TMX3: variants seen among roughly 807,000 people sequenced by gnomAD.
The protein encoded by TMX3 is protein disulfide-isomerase TMX3.
In TMX3, 40 loss-of-function variants were observed where a neutral mutation model predicts 64.4. The ratio of observed to expected loss-of-function variants is 0.62; its 90% CI spans 0.48 to 0.81. The LOEUF is 0.81. Among genes scored for constraint, TMX3 ranks in the 30% least tolerant of loss-of-function variants. The pLI is 0.00. For missense variants in TMX3, 497 were observed against 534.5 expected (o/e 0.93, Z 0.69); for synonymous variants, 189 against 175.7 (o/e 1.08, Z -0.60).
At chr18:68,687,578 G>C (rs1914086378) in intron 10 of TMX3, 89 bp downstream of exon 10, 2 of 1,526,770 alleles carry the variant, frequency 1.3e-6, no homozygotes, top group African/African-American at 1.4e-5. Context: ...GAGAAATAGA[G>C]CTTAAATTCA....
intron 8 of TMX3, among the ~76,000 whole-genome samples, chr18:68,696,045 A>G (rs1371418452): frequency 2.0e-5 from 3 of 152,290 alleles, no homozygotes; most frequent in Non-Finnish European, 4.4e-5. Context: ...CGGCTCCTTC[A>G]TATCACGTAA....
chr18:68,682,890 G>T, intron 13 of TMX3, 35 bp downstream of exon 13: 1 of 1,566,754 alleles, frequency 6.4e-7, no homozygotes, highest in Non-Finnish European at 8.7e-7. Context: ...AAAATTAATA[G>T]ATTTGACAGC....
chr18:68,709,849 G>GTACTACATACTACATA (rs1246876444), intron 4 of TMX3, among the ~76,000 whole-genome samples, 172 bp downstream of exon 4: 1 of 151,884 alleles, frequency 6.6e-6, no homozygotes, highest in African/African-American at 2.4e-5. Flanking sequence ...CACACTACAC[G>GTACTACATACTACATA]CTACATGTTC....
At chr18:68,698,104 C>T in intron 6 of TMX3, 73 bp from the exon 7 acceptor site, 1 of 922,100 alleles carries the variant, frequency 1.1e-6, no homozygotes, top group Non-Finnish European at 1.7e-6. Context: ...TATACTATAA[C>T]TAATCATGTC....
chr18:68,710,248 G>C (rs2031143026), intron 3 of TMX3, 104 bp from the exon 4 acceptor site: 1 of 1,047,672 alleles, frequency 9.5e-7, no homozygotes, highest in African/African-American at 1.7e-5. Context: ...TTGACTAAAT[G>C]ATCTAATAAT....
chr18:68,705,730 A>G (rs1470796284), intron 4 of TMX3, among the ~76,000 whole-genome samples: 2 of 152,210 alleles, frequency 1.3e-5, no homozygotes, highest in Non-Finnish European at 2.9e-5. Context: ...CACTGGACAT[A>G]ATTTTTATAT....
chr18:68,692,029 T>C (rs187976527), intron 8 of TMX3, among the ~76,000 whole-genome samples: 114 of 151,972 alleles, frequency 7.5e-4, no homozygotes, highest in Non-Finnish European at 9.0e-4. Flanking sequence ...AAAATAACAA[T>C]AAAATAAAGA....
At chr18:68,693,824 C>T (rs770232190) in intron 8 of TMX3, among the ~76,000 whole-genome samples, 8 of 152,108 alleles carry the variant, frequency 5.3e-5, no homozygotes, top group African/African-American at 1.4e-4. Context: ...GTGAAGTCCA[C>T]GGCCTGGAGT....
chr18:68,707,929 GTA>G (rs1334001694), intron 4 of TMX3, among the ~76,000 whole-genome samples: 4 of 148,210 alleles, frequency 2.7e-5, no homozygotes, highest in Admixed American at 6.8e-5. Context: ...GTGTATATGT[GTA>G]TATATGTGTA....
chr18:68,706,623 T>A (rs1051458747), intron 4 of TMX3, among the ~76,000 whole-genome samples: 1 of 152,228 alleles, frequency 6.6e-6, no homozygotes, highest in African/African-American at 2.4e-5. Context: ...ACCGCAACTG[T>A]CTGAAAAGCA....
chr18:68,706,043 T>TGG (rs1568201239), intron 4 of TMX3, among the ~76,000 whole-genome samples: 1 of 152,212 alleles, frequency 6.6e-6, no homozygotes, highest in Non-Finnish European at 1.5e-5. Flanking sequence ...TTCTACACTT[T>TGG]GTGGTTTTCC....
rs2029920687 is a variant in TMX3 at position 68,700,421 on chromosome 18, C to A, written c.376G>T (p.Ala126Ser). 1 of 1,577,094 alleles carries A rather than the reference C, an allele frequency of 6.3e-7. No homozygotes were observed. The highest frequency in any genetic ancestry group is 1.8e-5 in the Admixed American group (1 of 55,028). The change falls in exon 6 of 16, where the codon GCT becomes TCT. Residue 126 changes from alanine (A) to serine (S), a missense_variant. By Grantham distance (99) the Ala-to-Ser change is moderately conservative. Coordinates refer to ENST00000299608, the MANE Select transcript of TMX3 (RefSeq NM_019022.5). ...ATAACTTACCCAGATACTCTGTGAG[C>A]AAACTCAATAATATCATCTTTTGTT... ...PRTKDDIIEF[A>S]HRVSGALIRP...
chr18:68,694,721 A>G (rs1284866947), intron 8 of TMX3, among the ~76,000 whole-genome samples: 1 of 152,214 alleles, frequency 6.6e-6, no homozygotes, highest in Non-Finnish European at 1.5e-5. Context: ...ATACATACGC[A>G]TAAAATACTT....
rs1332641886 is a variant in TMX3, at chr18:68,681,331, A to G, written c.906-221T>C. ...TTGATATTTCTAGGATACGCAATTC[A>G]TCTTTAAGTCTTTTCAAATTATCAA... On this transcript the variant is annotated intron_variant, in intron 13 of 15. Coordinates refer to ENST00000299608, the MANE Select transcript of TMX3 (RefSeq NM_019022.5). 3 of 605,340 alleles carry G rather than the reference A, an allele frequency of 5.0e-6. No homozygotes were observed. The Admixed American group carries it at 1.5e-4, about 31-fold the overall frequency. The allele number at this position is 605,340 out of a possible 1,614,324, so 37.5% of individuals were successfully genotyped here.
At chr18:68,683,164 G>A (rs1411065962) in intron 12 of TMX3, among the ~76,000 whole-genome samples, 183 bp from the exon 13 acceptor site, 4 of 152,138 alleles carry the variant, frequency 2.6e-5, no homozygotes, top group South Asian at 2.1e-4. Context: ...TGCTAAAAGT[G>A]TAAATTCTAC....
At chr18:68,678,728 A>G (rs1913157754) in intron 15 of TMX3, among the ~76,000 whole-genome samples, 1 of 152,184 alleles carries the variant, frequency 6.6e-6, no homozygotes, top group African/African-American at 2.4e-5. Context: ...GTATAATTAT[A>G]AAAACAAGAG....
At chr18:68,696,977 T>C in intron 8 of TMX3, 1 of 304,842 alleles carries the variant, frequency 3.3e-6, no homozygotes, top group Non-Finnish European at 6.1e-6. Flanking sequence ...TACTTTTATT[T>C]TAAAAAACAA....
At position 68,702,410 on chromosome 18, in the gene TMX3, A is replaced by G. The variant is rs72955915; in HGVS notation, c.266-620T>C. Among the ~76,000 whole-genome samples the G allele has an allele frequency of 1.8e-3, 276 of 152,276 alleles. 2 individuals are homozygous for G. The highest frequency in any genetic ancestry group is 1.5e-3 in the Non-Finnish European group (100 of 68,000). Reference sequence around the variant, plus strand: ...TTCTGAAATCCTCACATGAATTAAAATGAGAATAGTTGCTACAATATCATC... The same window carrying G: ...TTCTGAAATCCTCACATGAATTAAAGTGAGAATAGTTGCTACAATATCATC... On this transcript the variant is annotated intron_variant, in intron 4 of 15. Coordinates refer to ENST00000299608, the MANE Select transcript of TMX3 (RefSeq NM_019022.5).
chr18:68,712,001 G>T (rs919491510), intron 2 of TMX3, among the ~76,000 whole-genome samples: 1 of 152,122 alleles, frequency 6.6e-6, no homozygotes, highest in African/African-American at 2.4e-5. Context: ...ACCACCCTGC[G>T]GATCAGAGTT....
Sources: allele counts gnomAD v4.1 joint callset (sites outside exome capture counted in the v4.1 genomes callset), GRCh38; gene constraint gnomAD v4.1.1; transcripts MANE v1.5; gene names NCBI Gene and HGNC (gene_info 2026-07-23, HGNC 2026-07-21).